The following IL1RAPL1 variants were observed in gnomAD, a reference collection of about 807,000 sequenced individuals.
IL1RAPL1 encodes the protein interleukin 1 receptor accessory protein like 1.
Under a neutral mutation model 48.4 loss-of-function variants are expected in IL1RAPL1, and 3 were observed. The observed-to-expected ratio is 0.06, with a 90% CI of 0.03 to 0.16. The LOEUF (loss-of-function observed/expected upper bound fraction) is 0.16. Ranked by LOEUF, IL1RAPL1 falls within the 10% of genes least tolerant of loss-of-function variation. The pLI, the probability that IL1RAPL1 is intolerant of heterozygous loss-of-function variation, is 1.00. For synonymous variants in IL1RAPL1, 185 were observed against 187.7 expected (o/e 0.99, Z 0.12); for missense variants, 349 against 530.6 (o/e 0.66, Z 3.36).
intron 2 of IL1RAPL1, among the ~76,000 whole-genome samples, chrX:28,934,561 A>G (rs1220725727): frequency 9.0e-6 from 1 of 111,297 alleles, no homozygotes; most frequent in Non-Finnish European, 1.9e-5. Flanking sequence ...CCCCTCAGCC[A>G]TAGGCAACTA....
intron 5 of IL1RAPL1, among the ~76,000 whole-genome samples, chrX:29,461,721 G>C (rs150990644): frequency 9.8e-5 from 11 of 112,171 alleles, no homozygotes; most frequent in Non-Finnish European, 5.6e-5. Context: ...GACATGGATT[G>C]ATCTCACAGG....
chrX:29,177,668 A>G (rs1179095004), intron 2 of IL1RAPL1, among the ~76,000 whole-genome samples: 3 of 111,978 alleles, frequency 2.7e-5, no homozygotes, highest in Non-Finnish European at 5.6e-5. Context: ...ATAGGTATAC[A>G]TGTGCCATGT....
chrX:28,941,170 A>G (rs1392146750), intron 2 of IL1RAPL1, among the ~76,000 whole-genome samples: 1 of 111,314 alleles, frequency 9.0e-6, no homozygotes, highest in African/African-American at 3.2e-5. Flanking sequence ...CATTTGTAGA[A>G]GTATGTTGAC....
intron 3 of IL1RAPL1, among the ~76,000 whole-genome samples, chrX:29,300,100 C>T (rs1051506642): frequency 6.3e-5 from 7 of 111,917 alleles, no homozygotes; most frequent in African/African-American, 1.6e-4. Flanking sequence ...CCATGCTTTT[C>T]GTACAGCCTT....
At chrX:28,802,296 T>C (rs763397654) in intron 2 of IL1RAPL1, among the ~76,000 whole-genome samples, 1 of 112,642 alleles carries the variant, frequency 8.9e-6, no homozygotes, top group African/African-American at 3.2e-5. Context: ...TAGTCTATTT[T>C]TGCTTATTTA....
chrX:28,659,079 G>C, intron 1 of IL1RAPL1: 1 of 675,251 alleles, frequency 1.5e-6, no homozygotes, highest in Non-Finnish European at 2.4e-6. Flanking sequence ...CGTTCTCCAC[G>C]TATGCAGCCT....
chrX:28,840,506 A>G lies in IL1RAPL1; in HGVS notation c.82+51081A>G, dbSNP rs747959602. Among the ~76,000 whole-genome samples the G allele has an allele frequency of 1.3e-4, 14 of 111,079 alleles. No individual in the cohort carries two copies. In the South Asian group the frequency reaches 5.2e-3, roughly 41 times the overall value. The stretch of plus-strand genomic sequence containing the variant: ...TTACATCAGGGTAAATGGGGTATCT[A>G]TCACCTCAAGCATTTATCCTTTGTA... On this transcript the variant is annotated intron_variant, in intron 2 of 10. Coordinates refer to ENST00000378993, the MANE Select transcript of IL1RAPL1 (RefSeq NM_014271.4).
At chrX:28,640,395 G>T (rs1934519888) in intron 1 of IL1RAPL1, among the ~76,000 whole-genome samples, 1 of 110,752 alleles carries the variant, frequency 9.0e-6, no homozygotes, top group Non-Finnish European at 1.9e-5. Flanking sequence ...ACCCAGGCTG[G>T]AGTGCAGTGG....
At chrX:28,896,045 C>T (rs1922909371) in intron 2 of IL1RAPL1, among the ~76,000 whole-genome samples, 1 of 112,227 alleles carries the variant, frequency 8.9e-6, no homozygotes, top group South Asian at 3.7e-4. Context: ...AGATTTCCGG[C>T]ACTTGTAGCA....
intron 1 of IL1RAPL1, among the ~76,000 whole-genome samples, chrX:28,736,828 AT>A (rs1028563833): frequency 7.2e-5 from 8 of 110,800 alleles, no homozygotes; most frequent in African/African-American, 2.3e-4. Flanking sequence ...GTTTTTCACT[AT>A]TTTTTTTCCT....
At chrX:29,168,589 ATATATTCATATATACAATTGTATATT>A (rs1929834987) in intron 2 of IL1RAPL1, among the ~76,000 whole-genome samples, 1 of 91,439 alleles carries the variant, frequency 1.1e-5, no homozygotes, top group Non-Finnish European at 2.2e-5. Context: ...AATTGTATAT[ATATATTCATATATACAATTGTATATT>A]TATATTCATA....
intron 1 of IL1RAPL1, among the ~76,000 whole-genome samples, chrX:28,625,935 T>A (rs993033411): frequency 8.9e-6 from 1 of 112,376 alleles, no homozygotes; most frequent in Admixed American, 9.4e-5. Context: ...TCTTAGCTTT[T>A]AAGCCCATAA....
At chrX:29,639,167 C>T (rs58753936) in intron 5 of IL1RAPL1, among the ~76,000 whole-genome samples, 2 of 87,677 alleles carry the variant, frequency 2.3e-5, no homozygotes, top group Non-Finnish European at 4.5e-5. Flanking sequence ...GCATGGGCGA[C>T]AAAGCGAGAC....
intron 6 of IL1RAPL1, among the ~76,000 whole-genome samples, chrX:29,786,394 A>AAGACAGAGGG (rs1353870485): frequency 9.0e-6 from 1 of 111,238 alleles, no homozygotes; most frequent in East Asian, 2.9e-4. Context: ...GTGAATGCAA[A>AAGACAGAGGG]AGACAGAGGG....
chrX:28,904,485 C>A (rs1439222060), intron 2 of IL1RAPL1, among the ~76,000 whole-genome samples: 1 of 111,959 alleles, frequency 8.9e-6, no homozygotes, highest in Non-Finnish European at 1.9e-5. Flanking sequence ...ACATCTGGCA[C>A]AATAAATCAT....
At chrX:29,947,914 T>C (rs1181906620) in intron 9 of IL1RAPL1, among the ~76,000 whole-genome samples, 1 of 110,607 alleles carries the variant, frequency 9.0e-6, no homozygotes, top group East Asian at 2.8e-4. Context: ...AACTGTTAAA[T>C]GGTAGGAACC....
intron 2 of IL1RAPL1, among the ~76,000 whole-genome samples, chrX:29,055,840 C>T (rs919165324): frequency 6.3e-5 from 7 of 111,591 alleles, no homozygotes; most frequent in South Asian, 3.7e-4. Flanking sequence ...TTTTAACTTA[C>T]GAGAAATTGG....
At chrX:28,827,589 G>C (rs1451281771) in intron 2 of IL1RAPL1, among the ~76,000 whole-genome samples, 1 of 111,334 alleles carries the variant, frequency 9.0e-6, no homozygotes, top group Non-Finnish European at 1.9e-5. Flanking sequence ...ACCTACAGTG[G>C]CTGTGAAGAG....
chrX:28,804,027 A>T (rs139000557), intron 2 of IL1RAPL1, among the ~76,000 whole-genome samples: 1 of 111,694 alleles, frequency 9.0e-6, no homozygotes, highest in Non-Finnish European at 1.9e-5. Flanking sequence ...ATATCCTGAA[A>T]ATTGTTTATA....
Sources: allele counts gnomAD v4.1 joint callset (sites outside exome capture counted in the v4.1 genomes callset), GRCh38; gene constraint gnomAD v4.1.1; transcripts MANE v1.5; gene names NCBI Gene and HGNC (gene_info 2026-07-23, HGNC 2026-07-21).